The following CNIH1 variants were observed in gnomAD, a reference collection of about 807,000 sequenced individuals.
The protein encoded by CNIH1 is cornichon family member 1.
In CNIH1, 12 loss-of-function variants were observed where a neutral mutation model predicts 20.2. That is an observed-to-expected ratio of 0.59 (90% CI 0.38 to 0.96). The LOEUF (loss-of-function observed/expected upper bound fraction) is 0.96, where lower values mean the gene tolerates loss of function less well. Ranked by LOEUF, CNIH1 falls within the 40% of genes least tolerant of loss-of-function variation. The probability of loss-of-function intolerance (pLI) is 0.00; values close to 1 mark genes in which losing one functional copy is unlikely to be tolerated. For missense variants in CNIH1, 152 were observed against 178.8 expected (o/e 0.85, Z 0.85); for synonymous variants, 69 against 63.3 (o/e 1.09, Z -0.43).
intron 2 of CNIH1, chr14:54,436,141 G>A: frequency 1.4e-6 from 1 of 703,768 alleles, no homozygotes. Flanking sequence ...GGCCGACAAT[G>A]TAAAAAGCAG....
Position 54,424,089 on chromosome 14 carries a change from T to C in CNIH1, c.*3725A>G, listed in dbSNP as rs990464517. 2 of 152,210 alleles carry C rather than the reference T, an allele frequency of 1.3e-5. No individual in the cohort carries two copies. The highest frequency in any genetic ancestry group is 2.4e-5 in the African/African-American group (1 of 41,454). The allele number at this position is 152,210 out of a possible 1,614,324, so 9.4% of individuals were successfully genotyped here. On this transcript the variant is annotated 3_prime_UTR_variant, in exon 5 of 5. Transcript: ENST00000216416. Reference sequence around the variant, plus strand: ...TAGAACCACTCTTTTACTTTTGATATCATTCTGAGGTATTAATTCAGAACC... The same window carrying C: ...TAGAACCACTCTTTTACTTTTGATACCATTCTGAGGTATTAATTCAGAACC...
At chr14:54,441,009 G>T (rs562234255) in intron 1 of CNIH1, among the ~76,000 whole-genome samples, 1 of 151,954 alleles carries the variant, frequency 6.6e-6, no homozygotes, top group African/African-American at 2.4e-5. Context: ...AGTAGGGGAG[G>T]AGTAGCGGTG....
In CNIH1 at chr14:54,427,733, A is replaced by G. The variant is rs2030854148; in HGVS notation, c.*81T>C. 2.1e-5 allele frequency: 30 copies of G among 1,435,248 alleles called. No homozygotes were observed. The highest frequency in any genetic ancestry group is 1.7e-4 in the Middle Eastern group (1 of 5,754). 88.9% of individuals were successfully genotyped at this position (1,435,248 alleles called of 1,614,324 possible). On this transcript the variant is annotated 3_prime_UTR_variant, in exon 5 of 5. Transcript: ENST00000216416. ...ATCAGATTCCACAGGCTACTCTTGG[A>G]CAGGATCTTGCTGGATAGAATCCCT... is the stretch of plus-strand genomic sequence containing the variant.
intron 4 of CNIH1, among the ~76,000 whole-genome samples, chr14:54,428,449 G>C (rs567329562): frequency 6.6e-6 from 1 of 152,304 alleles, no homozygotes; most frequent in East Asian, 1.9e-4. Flanking sequence ...AGTGCTATGG[G>C]AACGGCATAG....
chr14:54,440,760 C>T (rs1464464283), intron 1 of CNIH1, among the ~76,000 whole-genome samples: 1 of 152,224 alleles, frequency 6.6e-6, no homozygotes, highest in Non-Finnish European at 1.5e-5. Context: ...CGAACAAGTG[C>T]TGAAAAGTAG....
Position 54,436,411 on chromosome 14 carries a change from A to G in CNIH1, c.108T>C (p.Thr36=), listed in dbSNP as rs777479761. The G allele has an allele frequency of 3.8e-6, 6 of 1,572,638 alleles. No individual in the cohort carries two copies. In the African/African-American group the frequency reaches 6.7e-5, roughly 18 times the overall value. Residue 36 remains threonine, a synonymous_variant, in exon 2 of 5, where the codon ACT becomes ACC. Coordinates refer to ENST00000216416, the MANE Select transcript of CNIH1 (RefSeq NM_005776.3). ...WHIIAFDELK[T]DYKNPIDQCN... is the part of the protein sequence containing the mutation. ...ACTGGTCTATAGGATTCTTGTAATC[A>G]GTCTTCAGCTCATCAAATGCTATAA...
Position 54,436,166 on chromosome 14 carries a change from AG to A in CNIH1, c.150+202del, listed in dbSNP as rs1284566384. On this transcript the variant is annotated intron_variant, in intron 2 of 4. Coordinates refer to ENST00000216416, the MANE Select transcript of CNIH1 (RefSeq NM_005776.3). ...GTAAAAAGCAGATTGGAAGAATGTT[AG>A]TATGACAGCTGACAAGATCACCAGC... The A allele has an allele frequency of 4.3e-6, 3 of 705,420 alleles. No individual in the cohort carries two copies. The Admixed American group carries it at 6.0e-5, about 14-fold the overall frequency. The allele number at this position is 705,420 out of a possible 1,614,324, so 43.7% of individuals were successfully genotyped here.
At chr14:54,431,175 C>T in intron 3 of CNIH1, among the ~76,000 whole-genome samples, 1 of 151,412 alleles carries the variant, frequency 6.6e-6, no homozygotes, top group East Asian at 1.9e-4. Flanking sequence ...GTTGCCCAGG[C>T]TGGAGTGCAG....
At chr14:54,438,085 T>C (rs1380907568) in intron 1 of CNIH1, among the ~76,000 whole-genome samples, 1 of 152,074 alleles carries the variant, frequency 6.6e-6, no homozygotes, top group African/African-American at 2.4e-5. Context: ...GCTCAAATGA[T>C]TCTCCTGCCT....
At chr14:54,431,927 T>C (rs1322261534) in intron 3 of CNIH1, among the ~76,000 whole-genome samples, 181 bp downstream of exon 3, 4 of 152,218 alleles carry the variant, frequency 2.6e-5, no homozygotes, top group Non-Finnish European at 4.4e-5. Context: ...CCTTTAAAAA[T>C]AAAGTAAGCT....
At chr14:54,441,017 G>C (rs529577204) in intron 1 of CNIH1, among the ~76,000 whole-genome samples, 1 of 152,038 alleles carries the variant, frequency 6.6e-6, no homozygotes, top group South Asian at 2.1e-4. Context: ...AGGAGTAGCG[G>C]TGCGCGCGGC....
At position 54,426,418 on chromosome 14, in the gene CNIH1, A is replaced by G. The variant is rs2139997694; in HGVS notation, c.*1396T>C. The G allele has an allele frequency of 6.6e-6, 1 of 152,326 alleles. No individual in the cohort carries two copies. The highest frequency in any genetic ancestry group is 1.9e-4 in the East Asian group (1 of 5,190). 9.4% of individuals were successfully genotyped at this position (152,326 alleles called of 1,614,324 possible). On this transcript the variant is annotated 3_prime_UTR_variant, in exon 5 of 5. Coordinates refer to ENST00000216416, the MANE Select transcript of CNIH1 (RefSeq NM_005776.3). ...ACAAACGCATCCATAAACTTCCTTG[A>G]TCATGTGAAATTTCTATATATTGGT...
At chr14:54,440,314 G>A (rs1353566724) in intron 1 of CNIH1, among the ~76,000 whole-genome samples, 1 of 152,188 alleles carries the variant, frequency 6.6e-6, no homozygotes, top group East Asian at 1.9e-4. Context: ...GCAAGTATGA[G>A]ATAAATTTTT....
intron 1 of CNIH1, among the ~76,000 whole-genome samples, chr14:54,440,238 AG>A: frequency 6.6e-6 from 1 of 152,330 alleles, no homozygotes; most frequent in South Asian, 2.1e-4. Flanking sequence ...TCTACGTAAG[AG>A]TGAACGCGGT....
chr14:54,431,835 T>C (rs2030952197), intron 3 of CNIH1, among the ~76,000 whole-genome samples: 1 of 152,160 alleles, frequency 6.6e-6, no homozygotes, highest in African/African-American at 2.4e-5. Flanking sequence ...TTAACAGGTG[T>C]ATACGTATGT....
At position 54,425,460 on chromosome 14, in the gene CNIH1, A is replaced by G. The variant is rs973860638; in HGVS notation, c.*2354T>C. The G allele has an allele frequency of 3.3e-5, 5 of 152,224 alleles. No homozygotes were observed. The highest frequency in any genetic ancestry group is 2.6e-4 in the Admixed American group (4 of 15,284). 9.4% of individuals were successfully genotyped at this position (152,224 alleles called of 1,614,324 possible). A position where few individuals can be genotyped will look rare whatever the true frequency, so the allele number is the denominator to read the frequency against. On this transcript the variant is annotated 3_prime_UTR_variant, in exon 5 of 5. Transcript: ENST00000216416. ...TTAACGTAAACTGAATTATAAACCC[A>G]GGCTAACCATGCCTCAGCTGAACCC... is the stretch of plus-strand genomic sequence containing the variant.
intron 1 of CNIH1, 88 bp from the exon 2 acceptor site, chr14:54,436,525 A>C: frequency 1.4e-6 from 1 of 732,212 alleles, no homozygotes; most frequent in Non-Finnish European, 2.4e-6. Flanking sequence ...TATTAAAGTT[A>C]ATAAAACAAG....
chr14:54,427,699 A>C lies in CNIH1; in HGVS notation c.*115T>G. ...TTAAAAAATAAGGAGTCATTTTTTA[A>C]AGTAACTGATCAGATTCCACAGGCT... On this transcript the variant is annotated 3_prime_UTR_variant, in exon 5 of 5. Coordinates refer to ENST00000216416, the MANE Select transcript of CNIH1 (RefSeq NM_005776.3). 3.7e-6 allele frequency: 4 copies of C among 1,077,994 alleles called. No individual in the cohort carries two copies. The highest frequency in any genetic ancestry group is 5.5e-6 in the Non-Finnish European group (4 of 728,536). 66.8% of individuals were successfully genotyped at this position (1,077,994 alleles called of 1,614,324 possible). A position where few individuals can be genotyped will look rare whatever the true frequency, so the allele number is the denominator to read the frequency against.
At position 54,441,256 on chromosome 14, in the gene CNIH1, G is replaced by T. The variant is rs951659180; in HGVS notation, c.72C>A (p.Ala24=). The part of the protein sequence containing the change: ...LLLTAALIFF[A]IWHIIAFDEL... ...AGCCCCAGCTACTCACGTGCCAAAT[G>T]GCGAAGAAGATGAGCGCGGCAGTGA... The change falls in exon 1 of 5, where the codon GCC becomes GCA. Residue 24 remains alanine (A), a synonymous_variant. Transcript: ENST00000216416. The T allele has an allele frequency of 5.3e-6, 8 of 1,518,730 alleles. No homozygotes were observed. The Admixed American group carries it at 1.0e-4, about 20-fold the overall frequency. 94.1% of individuals were successfully genotyped at this position (1,518,730 alleles called of 1,614,324 possible).
Sources: allele counts gnomAD v4.1 joint callset (sites outside exome capture counted in the v4.1 genomes callset), GRCh38; gene constraint gnomAD v4.1.1; transcripts MANE v1.5; gene names NCBI Gene and HGNC (gene_info 2026-07-23, HGNC 2026-07-21).